The following TSPAN11 variants were observed in gnomAD, a reference collection of about 807,000 sequenced individuals.
TSPAN11 encodes tetraspanin-11.
A neutral mutation model predicts 32.9 loss-of-function variants in TSPAN11; 29 were observed. That is an observed-to-expected ratio of 0.88 (90% CI 0.66 to 1.20). TSPAN11 has a LOEUF of 1.20. Among genes scored for constraint, TSPAN11 ranks in the 50% most tolerant of loss-of-function variants. TSPAN11 has a pLI of 0.00. For synonymous variants in TSPAN11, 140 were observed against 141.3 expected (o/e 0.99, Z 0.07); for missense variants, 283 against 329.1 (o/e 0.86, Z 1.08).
At chr12:30,949,859 G>T (rs1401549906) in intron 1 of TSPAN11, among the ~76,000 whole-genome samples, 2 of 152,090 alleles carry the variant, frequency 1.3e-5, no homozygotes, top group Non-Finnish European at 2.9e-5. Context: ...GACAGCATGT[G>T]GCACTGTGGG....
chr12:31,008,489 A>G, the TSPAN11 span, among the ~76,000 whole-genome samples: 1 of 152,204 alleles, frequency 6.6e-6, no homozygotes, highest in Non-Finnish European at 1.5e-5. Flanking sequence ...CAGGGCAGCC[A>G]TGAGTCAGGA....
At chr12:30,978,333 C>T in intron 3 of TSPAN11, 1 of 561,324 alleles carries the variant, frequency 1.8e-6, no homozygotes, top group Admixed American at 3.0e-5. Flanking sequence ...GTATTTAATA[C>T]ATATTGGATG....
the TSPAN11 span, chr12:31,015,729 C>T: frequency 6.6e-6 from 1 of 152,218 alleles, no homozygotes; most frequent in Non-Finnish European, 1.5e-5. The surrounding 1 kb of genome is among the most constrained non-coding windows in gnomAD (Gnocchi z 4.9). Flanking sequence ...CTCCATCCTA[C>T]CTGCGATCAA....
chr12:30,957,228 A>AACCC (rs1938497110), intron 2 of TSPAN11, among the ~76,000 whole-genome samples: 1 of 107,408 alleles, frequency 9.3e-6, no homozygotes. Flanking sequence ...ATGGCCTGGG[A>AACCC]CCCCCCCCCC....
chr12:30,971,232 A>G (rs943811716), intron 3 of TSPAN11, among the ~76,000 whole-genome samples: 1 of 152,230 alleles, frequency 6.6e-6, no homozygotes, highest in African/African-American at 2.4e-5. Flanking sequence ...ATGGCTGGAG[A>G]TACAGAAGAG....
intron 7 of TSPAN11, among the ~76,000 whole-genome samples, chr12:30,984,397 CGAAGTACCTGGCACATA>C (rs1225119538): frequency 6.6e-6 from 1 of 152,164 alleles, no homozygotes; most frequent in African/African-American, 2.4e-5. Context: ...AACCCACTTA[CGAAGTACCTGGCACATA>C]GGAAGGCCTC....
At chr12:30,962,538 T>C (rs968478568) in intron 2 of TSPAN11, among the ~76,000 whole-genome samples, 1 of 152,160 alleles carries the variant, frequency 6.6e-6, no homozygotes, top group African/African-American at 2.4e-5. Flanking sequence ...AAATGGTAAA[T>C]ACATGTTCGT....
intron 5 of TSPAN11, among the ~76,000 whole-genome samples, chr12:30,982,244 G>A (rs74086360): frequency 0.082 from 12,536 of 152,152 alleles, 936 homozygotes; most frequent in African/African-American, 0.2. Flanking sequence ...TCGCAGACCC[G>A]TCCTGCCCCC....
chr12:30,963,738 G>T (rs1217100007), intron 2 of TSPAN11, 88 bp from the exon 3 acceptor site: 15 of 1,425,858 alleles, frequency 1.1e-5, no homozygotes, highest in Admixed American at 2.0e-5. Flanking sequence ...CAGTGCAAGA[G>T]AAGTGCCTGG....
chr12:30,957,228 A>ACCCCCCCCC (rs56296744), intron 2 of TSPAN11, among the ~76,000 whole-genome samples: 6 of 107,408 alleles, frequency 5.6e-5, no homozygotes, highest in Admixed American at 2.1e-4. Context: ...ATGGCCTGGG[A>ACCCCCCCCC]CCCCCCCCCC....
At chr12:31,006,017 C>G in the TSPAN11 span, 1 of 153,702 alleles carries the variant, frequency 6.5e-6, no homozygotes. Context: ...GAGCAGAGGT[C>G]AGCCGGGTGT....
In TSPAN11 at chr12:30,982,528, C is replaced by A. The variant is rs1024238598; in HGVS notation, c.457-4C>A. 5.0e-6 allele frequency: 8 copies of A among 1,602,020 alleles called. No individual in the cohort carries two copies. Among genetic ancestry groups the A allele is most frequent in the Non-Finnish European group, 6.0e-6 (7 of 1,170,748 alleles). On this transcript the variant is annotated splice_polypyrimidine_tract_variant and splice_region_variant and intron_variant, in intron 5 of 7. Coordinates refer to ENST00000546076, the MANE Select transcript of TSPAN11 (RefSeq NM_001370302.1). ...CCAGCCTCTGCCTCTGCCTCTGCCT[C>A]CAGTTCAAGTGCTGTGGAAGCAACA...
At chr12:31,006,149 TC>T in the TSPAN11 span, 1 of 152,214 alleles carries the variant, frequency 6.6e-6, no homozygotes, top group Non-Finnish European at 1.5e-5. Context: ...TCAGGAAAAT[TC>T]CCTTTCAAAA....
intron 5 of TSPAN11, among the ~76,000 whole-genome samples, chr12:30,980,780 A>G (rs1291669101): frequency 6.6e-6 from 1 of 152,102 alleles, no homozygotes; most frequent in Non-Finnish European, 1.5e-5. Flanking sequence ...ACACCCACAG[A>G]CACACTCGCA....
At chr12:30,929,713 G>A (rs757817267) in intron 1 of TSPAN11, among the ~76,000 whole-genome samples, 3 of 152,202 alleles carry the variant, frequency 2.0e-5, no homozygotes, top group Non-Finnish European at 4.4e-5. Flanking sequence ...ACTGAGCGTA[G>A]ACGACAGCCA....
In TSPAN11 at chr12:30,963,946, G is replaced by A. The variant is rs150053970; in HGVS notation, c.205G>A (p.Val69Ile). The stretch of plus-strand genomic sequence containing the variant: ...CGCCTACATCCTCATCTTTGCGGGC[G>A]TACTTGTCATGGTGACCGGCTTCCT... ...ASAYILIFAG[V>I]LVMVTGFLGF... The change falls in exon 3 of 8, where the codon GTA becomes ATA. Residue 69 changes from valine (V) to isoleucine (I), a missense_variant. Transcript: ENST00000546076. 3.2e-4 allele frequency: 513 copies of A among 1,614,078 alleles called. 1 individual carries two copies. The highest frequency in any genetic ancestry group is 1.4e-3 in the Admixed American group (85 of 60,022).
chr12:30,957,480 T>C (rs1022752478), intron 2 of TSPAN11, among the ~76,000 whole-genome samples: 1 of 152,142 alleles, frequency 6.6e-6, no homozygotes. Flanking sequence ...AGCAGCCCAA[T>C]TGGTTAAATG....
At chr12:30,961,481 C>T (rs958905152) in intron 2 of TSPAN11, among the ~76,000 whole-genome samples, 3 of 151,956 alleles carry the variant, frequency 2.0e-5, no homozygotes, top group Admixed American at 6.5e-5. Flanking sequence ...TCTGCCCTCC[C>T]GTGACCCCCT....
rs771824707 is a variant in TSPAN11, at chr12:30,983,062, A to G, written c.616-2A>G. The G allele has an allele frequency of 1.9e-6, 3 of 1,612,244 alleles. No homozygotes were observed. Among genetic ancestry groups the G allele is most frequent in the Non-Finnish European group, 8.5e-7 (1 of 1,179,896 alleles). On this transcript the variant is annotated splice_acceptor_variant, in intron 6 of 7. Coordinates refer to ENST00000546076, the MANE Select transcript of TSPAN11 (RefSeq NM_001370302.1). LOFTEE classifies it high-confidence loss of function. ...GCCGCATCACCTGCCCTTCTCTTAC[A>G]GGGAGGCTGCCTCACCAAGCTGGAG... is the stretch of plus-strand genomic sequence containing the variant.
Sources: gnomAD v4.1 joint callset for allele counts (sites outside exome capture counted in the v4.1 genomes callset) on GRCh38, gnomAD v4.1.1 for gene constraint, Gnocchi (gnomAD v3.1) non-coding constraint, MANE v1.5 for transcripts, NCBI Gene and HGNC (gene_info 2026-07-23, HGNC 2026-07-21) for gene names.